The following HSPA4 variants were observed in gnomAD, a reference collection of about 807,000 sequenced individuals.
The protein encoded by HSPA4 is heat shock protein family A (Hsp70) member 4, also known as heat shock 70 kDa protein 4.
Under a neutral mutation model 106.2 loss-of-function variants are expected in HSPA4, and 25 were observed. The ratio of observed to expected loss-of-function variants is 0.24; its 90% CI spans 0.17 to 0.33. The LOEUF (loss-of-function observed/expected upper bound fraction) is 0.33, where lower values mean the gene tolerates loss of function less well. Among genes scored for constraint, HSPA4 ranks in the 10% least tolerant of loss-of-function variants. The probability of loss-of-function intolerance (pLI) is 1.00; values close to 1 mark genes in which losing one functional copy is unlikely to be tolerated. For missense variants in HSPA4, 841 were observed against 996.0 expected (o/e 0.84, Z 2.10); for synonymous variants, 332 against 333.6 (o/e 1.00, Z 0.05).
rs1321753560 is a variant in HSPA4 at position 133,106,434 on chromosome 5, CTG to C, written c.*2000_*2001del. The C allele has an allele frequency of 6.8e-6, 1 of 146,712 alleles. No individual in the cohort carries two copies. The highest frequency in any genetic ancestry group is 2.0e-4 in the East Asian group (1 of 4,976). The allele number at this position is 146,712 out of a possible 1,614,324, so 9.1% of individuals were successfully genotyped here. The stretch of plus-strand genomic sequence containing the variant: ...TTTAGGAAAAACTAATAAAATAAAC[CTG>C]TCTTAAACTTGAATGGTTTCCTTAA... On this transcript the variant is annotated 3_prime_UTR_variant, in exon 19 of 19. Transcript: ENST00000304858.
At chr5:133,059,239 G>A (rs1246515710) in intron 1 of HSPA4, among the ~76,000 whole-genome samples, 2 of 151,858 alleles carry the variant, frequency 1.3e-5, no homozygotes, top group Non-Finnish European at 2.9e-5. Flanking sequence ...CCTGAGGTCA[G>A]GAGTTTGAGA....
At chr5:133,068,143 C>T (rs1334016643) in intron 3 of HSPA4, among the ~76,000 whole-genome samples, 1 of 152,090 alleles carries the variant, frequency 6.6e-6, no homozygotes, top group Non-Finnish European at 1.5e-5. Context: ...TCCCCTGCCT[C>T]AGCCTCCCAA....
intron 3 of HSPA4, among the ~76,000 whole-genome samples, chr5:133,068,867 A>G (rs1765345885): frequency 6.6e-6 from 1 of 151,930 alleles, no homozygotes; most frequent in Non-Finnish European, 1.5e-5. Context: ...AAGTAGATGC[A>G]AGTCTAAAAG....
At chr5:133,059,961 T>TA in intron 1 of HSPA4, among the ~76,000 whole-genome samples, 2 of 152,286 alleles carry the variant, frequency 1.3e-5, no homozygotes, top group Admixed American at 1.3e-4. Context: ...CCTTTAAATA[T>TA]TCTTGTCTTG....
chr5:133,065,404 CCAATA>C (rs1765294882), intron 2 of HSPA4, among the ~76,000 whole-genome samples: 1 of 152,146 alleles, frequency 6.6e-6, no homozygotes, highest in African/African-American at 2.4e-5. Context: ...AGGTTATAGG[CCAATA>C]CTATGTCATT....
At chr5:133,065,083 T>G (rs1265300606) in intron 2 of HSPA4, 46 bp downstream of exon 2, 1 of 1,521,068 alleles carries the variant, frequency 6.6e-7, no homozygotes, top group Admixed American at 1.7e-5. Context: ...CTCCTCTTCA[T>G]CCATGTGTTC....
intron 12 of HSPA4, among the ~76,000 whole-genome samples, chr5:133,092,404 G>T (rs1765657422): frequency 6.6e-6 from 1 of 152,158 alleles, no homozygotes; most frequent in Non-Finnish European, 1.5e-5. Context: ...TGTATTAAAT[G>T]ATGCCACATT....
At chr5:133,058,458 G>T (rs554577734) in intron 1 of HSPA4, among the ~76,000 whole-genome samples, 1 of 151,950 alleles carries the variant, frequency 6.6e-6, no homozygotes, top group South Asian at 2.1e-4. Context: ...TGGGCGGGTC[G>T]CCTGAAGTCA....
At chr5:133,090,198 G>T (rs961670836) in intron 11 of HSPA4, among the ~76,000 whole-genome samples, 2 of 152,042 alleles carry the variant, frequency 1.3e-5, no homozygotes, top group Admixed American at 1.3e-4. Context: ...ACTTTGGGAG[G>T]CCAAGGCGGG....
chr5:133,066,744 T>C (rs928989622), intron 2 of HSPA4, among the ~76,000 whole-genome samples: 6 of 150,234 alleles, frequency 4.0e-5, no homozygotes, highest in Non-Finnish European at 3.0e-5. Context: ...TTCTTTTTTT[T>C]TTTTTTTTTG....
At chr5:133,058,911 T>C (rs1242898088) in intron 1 of HSPA4, among the ~76,000 whole-genome samples, 2 of 151,958 alleles carry the variant, frequency 1.3e-5, no homozygotes, top group African/African-American at 2.4e-5. Context: ...GCAAATCCCC[T>C]GAGGCCAGGA....
At chr5:133,092,873 T>G in intron 13 of HSPA4, 84 bp downstream of exon 13, 1 of 773,790 alleles carries the variant, frequency 1.3e-6, no homozygotes, top group Non-Finnish European at 2.0e-6. Flanking sequence ...CAGGCTGGAG[T>G]GCAGTGACAT....
intron 13 of HSPA4, 128 bp from the exon 14 acceptor site, chr5:133,095,969 TA>T: frequency 1.5e-6 from 1 of 664,780 alleles, no homozygotes; most frequent in Non-Finnish European, 2.5e-6. Context: ...ATGGTAGTCC[TA>T]AGTTACTTAG....
chr5:133,088,691 T>C (rs1003713149), intron 9 of HSPA4, 136 bp downstream of exon 9: 1 of 688,346 alleles, frequency 1.5e-6, no homozygotes, highest in African/African-American at 1.8e-5. Context: ...TGTTTTAAAA[T>C]AGAGGTGATG....
intron 16 of HSPA4, among the ~76,000 whole-genome samples, chr5:133,100,653 C>CGG (rs1765773791): frequency 6.6e-6 from 1 of 152,136 alleles, no homozygotes; most frequent in African/African-American, 2.4e-5. Context: ...AGCGTGGTGG[C>CGG]GGGTGCCTGT....
intron 1 of HSPA4, chr5:133,052,999 T>G (rs1324924140): frequency 7.9e-5 from 12 of 152,284 alleles, no homozygotes; most frequent in Admixed American, 3.9e-4. Flanking sequence ...GTTTTCCACA[T>G]TATTTCGGGA....
In HSPA4 at chr5:133,070,397, A is replaced by G; in HGVS notation, c.330A>G (p.Arg110=). Residue 110 remains arginine (R), a synonymous_variant, in exon 4 of 19, where the codon CGA becomes CGG. Transcript: ENST00000304858. ...GIKVTYMEEE[R]NFTTEQVTAM... is the part of the protein sequence containing the mutation. The stretch of plus-strand genomic sequence containing the variant: ...AGGTGACATATATGGAGGAAGAGCG[A>G]AATTTTACCACTGAGCAAGTGACTG... 3 of 1,610,634 alleles carry G rather than the reference A, an allele frequency of 1.9e-6. No individual in the cohort carries two copies. The highest frequency in any genetic ancestry group is 2.5e-6 in the Non-Finnish European group (3 of 1,179,094).
chr5:133,052,297 C>A lies in HSPA4; in HGVS notation c.47C>A (p.Ala16Asp). ...IDLGFQSCYV[A>D]VARAGGIETI... ...CTGGGCTTCCAGAGCTGCTACGTCGCTGTGGCCCGCGCCGGCGGCATCGAG... is the reference window on the plus strand; with the variant it reads ...CTGGGCTTCCAGAGCTGCTACGTCGATGTGGCCCGCGCCGGCGGCATCGAG... Residue 16 changes from alanine (A) to aspartate (D), a missense_variant, in exon 1 of 19, where the codon GCT (alanine) becomes GAT (aspartate). Ala to Asp is a moderately radical substitution (Grantham distance 126, BLOSUM62 -2). This residue lies in a region of HSPA4 where 347 missense variants were observed against 408.7 expected (regional missense o/e 0.85). Coordinates refer to ENST00000304858, the MANE Select transcript of HSPA4 (RefSeq NM_002154.4). The A allele has an allele frequency of 6.3e-7, 1 of 1,595,436 alleles. No homozygotes were observed. The highest frequency in any genetic ancestry group is 1.3e-5 in the African/African-American group (1 of 74,680).
At chr5:133,056,220 A>G (rs1765163353) in intron 1 of HSPA4, among the ~76,000 whole-genome samples, 1 of 152,172 alleles carries the variant, frequency 6.6e-6, no homozygotes, top group Non-Finnish European at 1.5e-5. Flanking sequence ...GACCTGAGCA[A>G]GAAGAGCTGC....
Sources: gnomAD v4.1 joint callset for allele counts (sites outside exome capture counted in the v4.1 genomes callset) on GRCh38, gnomAD v4.1.1 for gene constraint, gnomAD v4.1.1 regional missense constraint, MANE v1.5 for transcripts, NCBI Gene and HGNC (gene_info 2026-07-23, HGNC 2026-07-21) for gene names.